IL1RL2: variants seen among roughly 807,000 people sequenced by gnomAD.
The protein encoded by IL1RL2 is interleukin 1 receptor like 2, also known as interleukin-1 receptor-like 2.
Under a neutral mutation model 66.8 loss-of-function variants are expected in IL1RL2, and 68 were observed. That is an observed-to-expected ratio of 1.02 (90% CI 0.84 to 1.25). The LOEUF (loss-of-function observed/expected upper bound fraction) is 1.25. Ranked by LOEUF, IL1RL2 falls within the 50% of genes most tolerant of loss-of-function variation. IL1RL2 has a pLI of 0.00. For synonymous variants in IL1RL2, 305 were observed against 264.6 expected (o/e 1.15, Z -1.48); for missense variants, 729 against 709.3 (o/e 1.03, Z -0.32).
intron 4 of IL1RL2, among the ~76,000 whole-genome samples, chr2:102,196,815 C>T (rs1466747906): frequency 6.6e-6 from 1 of 152,076 alleles, no homozygotes; most frequent in Non-Finnish European, 1.5e-5. Flanking sequence ...GTTTAGGGCA[C>T]ATGTAGAAAG....
intron 3 of IL1RL2, among the ~76,000 whole-genome samples, chr2:102,190,961 A>G (rs918586005): frequency 3.8e-4 from 58 of 152,334 alleles, no homozygotes; most frequent in African/African-American, 1.3e-3. Context: ...AGGAAACTGT[A>G]TATTTTTACT....
At chr2:102,241,442 C>T (rs1052949404), downstream of IL1RL2, among the ~76,000 whole-genome samples, 5 of 152,150 alleles carry the variant, frequency 3.3e-5, no homozygotes, top group African/African-American at 1.2e-4. Flanking sequence ...AAACCCTGTG[C>T]CCCAGTTTCT....
intron 4 of IL1RL2, among the ~76,000 whole-genome samples, chr2:102,199,224 TG>T (rs1480189126): frequency 6.6e-6 from 1 of 152,234 alleles, no homozygotes; most frequent in Non-Finnish European, 1.5e-5. Flanking sequence ...TCTTTAGCAT[TG>T]CACTATTTTA....
intron 9 of IL1RL2, among the ~76,000 whole-genome samples, chr2:102,227,226 C>G (rs1690699748): frequency 6.6e-6 from 1 of 152,132 alleles, no homozygotes; most frequent in Admixed American, 6.5e-5. Context: ...CGACTTTATA[C>G]CTTTTAAGTC....
chr2:102,237,761 G>T (rs1675008518), intron 11 of IL1RL2, among the ~76,000 whole-genome samples: 1 of 152,206 alleles, frequency 6.6e-6, no homozygotes, highest in South Asian at 2.1e-4. Context: ...AGGCAGGTTG[G>T]CAGGTAACAG....
intron 4 of IL1RL2, among the ~76,000 whole-genome samples, chr2:102,193,763 G>T (rs1328305351): frequency 2.0e-5 from 3 of 151,878 alleles, no homozygotes; most frequent in Middle Eastern, 3.2e-3. Context: ...ATTTTATTTT[G>T]CTTTTCCTTA....
intron 10 of IL1RL2, among the ~76,000 whole-genome samples, chr2:102,233,443 A>T (rs1478092018): frequency 3.3e-5 from 5 of 152,182 alleles, no homozygotes; most frequent in Non-Finnish European, 5.9e-5. Flanking sequence ...TGGCTAAAGG[A>T]CTGAAAGGTG....
In IL1RL2 at chr2:102,187,138, C is replaced by G. The variant is rs538993530; in HGVS notation, c.-13+52C>G. On this transcript the variant is annotated intron_variant, in intron 1 of 11. Coordinates refer to ENST00000264257, the MANE Select transcript of IL1RL2 (RefSeq NM_003854.4). Reference sequence around the variant, plus strand: ...GAGCCAGGCATGGGTGGGGCCCTGACAGTAGGAGAGGTGTGCAGGAAAAGA... The same window carrying G: ...GAGCCAGGCATGGGTGGGGCCCTGAGAGTAGGAGAGGTGTGCAGGAAAAGA... 3 of 1,280,362 alleles carry G rather than the reference C, an allele frequency of 2.3e-6. No homozygotes were observed. The African/African-American group carries it at 4.6e-5, about 19-fold the overall frequency. 79.3% of individuals were successfully genotyped at this position (1,280,362 alleles called of 1,614,324 possible). A position where few individuals can be genotyped will look rare whatever the true frequency, so the allele number is the denominator to read the frequency against.
intron 3 of IL1RL2, 36 bp downstream of exon 3, chr2:102,189,346 G>T (rs1465434242): frequency 8.1e-7 from 1 of 1,240,880 alleles, no homozygotes; most frequent in South Asian, 1.4e-5. Context: ...TAACTCGTGT[G>T]TGTATGTATA....
chr2:102,221,715 G>C (rs1189225593), intron 8 of IL1RL2, among the ~76,000 whole-genome samples: 1 of 152,092 alleles, frequency 6.6e-6, no homozygotes, highest in African/African-American at 2.4e-5. Context: ...GTCCACTTAG[G>C]AGCTGGGTGA....
intron 11 of IL1RL2, among the ~76,000 whole-genome samples, chr2:102,237,360 C>T (rs1189258390): frequency 2.0e-5 from 3 of 152,236 alleles, no homozygotes; most frequent in Non-Finnish European, 2.9e-5. Flanking sequence ...GCCCACTGCC[C>T]TCAGGGGGTT....
chr2:102,213,508 T>G (rs962109906), intron 6 of IL1RL2, among the ~76,000 whole-genome samples: 2 of 150,058 alleles, frequency 1.3e-5, no homozygotes, highest in Non-Finnish European at 3.0e-5. Flanking sequence ...TAATTATTAT[T>G]TGTCTATTAA....
chr2:102,232,198 G>A (rs1410457777), intron 9 of IL1RL2, among the ~76,000 whole-genome samples: 3 of 147,458 alleles, frequency 2.0e-5, no homozygotes, highest in African/African-American at 5.1e-5. Flanking sequence ...TGAAACCTTC[G>A]CCTCCCAGGT....
In IL1RL2 at chr2:102,189,269, C is replaced by A. The variant is rs1479786010; in HGVS notation, c.252C>A (p.Pro84=). 1 of 1,613,488 alleles carries A rather than the reference C, an allele frequency of 6.2e-7. No individual in the cohort carries two copies. Among genetic ancestry groups the A allele is most frequent in the East Asian group, 2.2e-5 (1 of 44,878 alleles). ...HQDETWILFL[P]MEWGDSGVYQ... ...ACGAGACTTGGATTTTGTTTCTCCC[C>A]ATGGAATGGGGGGACTCAGGAGTCT... Residue 84 remains proline (P), a synonymous_variant, in exon 3 of 12, where the codon CCC becomes CCA. Transcript: ENST00000264257.
intron 1 of IL1RL2, among the ~76,000 whole-genome samples, chr2:102,187,521 C>T (rs939687339): frequency 6.6e-6 from 1 of 152,182 alleles, no homozygotes; most frequent in Admixed American, 6.5e-5. Flanking sequence ...CGCCCTGGCC[C>T]TCACGGGGGC....
At chr2:102,193,182 T>G (rs1036566769) in intron 4 of IL1RL2, among the ~76,000 whole-genome samples, 1 of 152,198 alleles carries the variant, frequency 6.6e-6, no homozygotes, top group Non-Finnish European at 1.5e-5. Flanking sequence ...TTCATGTTCA[T>G]TTAGGTTGTT....
downstream of IL1RL2, among the ~76,000 whole-genome samples, chr2:102,240,236 T>TC (rs1675190227): frequency 6.6e-6 from 1 of 152,086 alleles, no homozygotes; most frequent in Admixed American, 6.6e-5. Context: ...TAGCTTTTTT[T>TC]CCCCACACTT....
chr2:102,193,654 C>T (rs1687422411), intron 4 of IL1RL2, among the ~76,000 whole-genome samples: 1 of 152,168 alleles, frequency 6.6e-6, no homozygotes, highest in Non-Finnish European at 1.5e-5. Flanking sequence ...GCATGGCTCA[C>T]CAGGAGTATT....
intron 6 of IL1RL2, among the ~76,000 whole-genome samples, chr2:102,213,780 ATAGAAG>A (rs1234677094): frequency 6.6e-6 from 1 of 152,178 alleles, no homozygotes; most frequent in Non-Finnish European, 1.5e-5. Context: ...AACAACAAGA[ATAGAAG>A]TAGAAAATAA....
Sources: allele counts gnomAD v4.1 joint callset (sites outside exome capture counted in the v4.1 genomes callset), GRCh38; gene constraint gnomAD v4.1.1; transcripts MANE v1.5; gene names NCBI Gene and HGNC (gene_info 2026-07-23, HGNC 2026-07-21).